The following SGCD variants were observed in gnomAD, a reference collection of about 807,000 sequenced individuals.
SGCD encodes delta-sarcoglycan.
A neutral mutation model predicts 36.6 loss-of-function variants in SGCD; 18 were observed. The ratio of observed to expected loss-of-function variants is 0.49; its 90% CI spans 0.34 to 0.73. SGCD has a LOEUF of 0.73. Among genes scored for constraint, SGCD ranks in the 30% least tolerant of loss-of-function variants. The pLI, the probability that SGCD is intolerant of heterozygous loss-of-function variation, is 0.01. For synonymous variants in SGCD, 133 were observed against 130.6 expected, an observed-to-expected ratio of 1.02 and a Z score of -0.12; for missense variants, 387 against 346.7, an observed-to-expected ratio of 1.12 and a Z score of -0.92.
intron 3 of SGCD, among the ~76,000 whole-genome samples, chr5:156,257,611 C>T (rs1232252952): frequency 6.6e-6 from 1 of 152,154 alleles, no homozygotes; most frequent in Non-Finnish European, 1.5e-5. Context: ...TGCCTGTAAT[C>T]CCAGCACTTT....
rs552776219 is a variant in SGCD, at chr5:156,206,106, G to A, written c.-44+82087G>A. ...TATTTAGCCATACTTTGTACTCAAA[G>A]ATCATGCATGATATATATTATTTTA... On this transcript the variant is annotated intron_variant, in intron 3 of 9. Coordinates refer to the SGCD transcript ENST00000517913. Among the ~76,000 whole-genome samples, 20 of 150,902 alleles carry A rather than the reference G, an allele frequency of 1.3e-4. No homozygotes were observed. The South Asian group carries it at 2.1e-3, about 16-fold the overall frequency.
chr5:156,394,714 T>C (rs891861810), intron 3 of SGCD, among the ~76,000 whole-genome samples: 1 of 152,230 alleles, frequency 6.6e-6, no homozygotes, highest in Admixed American at 6.5e-5. Context: ...TAAAAGAAAT[T>C]AAAACGTTTG....
At chr5:156,165,180 G>GC (rs1306957822) in intron 3 of SGCD, among the ~76,000 whole-genome samples, 1 of 152,196 alleles carries the variant, frequency 6.6e-6, no homozygotes, top group African/African-American at 2.4e-5. Flanking sequence ...CCATACTTCT[G>GC]CAAGTTGCAT....
chr5:156,644,452 G>A (rs1763155401), intron 6 of SGCD, among the ~76,000 whole-genome samples: 1 of 151,254 alleles, frequency 6.6e-6, no homozygotes, highest in South Asian at 2.1e-4. Context: ...TTTCATTTTT[G>A]CTCTCTGCCA....
At chr5:156,191,534 T>C (rs1763894745) in intron 3 of SGCD, among the ~76,000 whole-genome samples, 1 of 149,146 alleles carries the variant, frequency 6.7e-6, no homozygotes, top group South Asian at 2.2e-4. Flanking sequence ...ATACACCCAA[T>C]AATTTGTTTT....
intron 3 of SGCD, among the ~76,000 whole-genome samples, chr5:156,270,498 G>T (rs1436462450): frequency 6.6e-6 from 1 of 152,166 alleles, no homozygotes; most frequent in Non-Finnish European, 1.5e-5. Flanking sequence ...TAAATGAGCT[G>T]ATAGGTACCT....
At position 156,188,668 on chromosome 5, in the gene SGCD, G is replaced by GC. The variant is rs869072010; in HGVS notation, c.-44+64657dup. Reference sequence around the variant, plus strand: ...CAGTGTCTCTCTGACCACCCCAACCGCCCCCCCCGACACACATACACACAA... The same window carrying GC: ...CAGTGTCTCTCTGACCACCCCAACCGCCCCCCCCCGACACACATACACACAA... On this transcript the variant is annotated intron_variant, in intron 3 of 9. Coordinates refer to the SGCD transcript ENST00000517913. 1.4e-3 allele frequency among the ~76,000 whole-genome samples: 128 copies of GC among 90,338 alleles called. 1 individual carries two copies. The Middle Eastern group carries it at 0.016, about 12-fold the overall frequency. 59.3% of individuals were successfully genotyped at this position (90,338 alleles called of 152,430 possible).
intron 3 of SGCD, among the ~76,000 whole-genome samples, chr5:156,136,046 G>C (rs1057455570): frequency 6.6e-6 from 1 of 152,132 alleles, no homozygotes; most frequent in Non-Finnish European, 1.5e-5. Context: ...AATACAGTCT[G>C]TTTATCTAGT....
At chr5:155,881,164 T>G (rs1755874372) in intron 1 of SGCD, among the ~76,000 whole-genome samples, 1 of 152,008 alleles carries the variant, frequency 6.6e-6, no homozygotes, top group African/African-American at 2.4e-5. Flanking sequence ...ACAATTTCCA[T>G]AAATAACAGG....
intron 1 of SGCD, among the ~76,000 whole-genome samples, chr5:156,072,591 A>G (rs1760615425): frequency 3.3e-5 from 5 of 152,052 alleles, no homozygotes; most frequent in Admixed American, 3.3e-4. Context: ...ACTTTGGTGA[A>G]TCTGACAATT....
At chr5:156,428,137 A>G (rs1486074980) in intron 3 of SGCD, among the ~76,000 whole-genome samples, 2 of 152,144 alleles carry the variant, frequency 1.3e-5, no homozygotes, top group Non-Finnish European at 2.9e-5. Context: ...AATGTCTGGT[A>G]GAATTCTGCT....
intron 1 of SGCD, among the ~76,000 whole-genome samples, chr5:156,328,258 G>A (rs1767904696): frequency 6.6e-6 from 1 of 152,226 alleles, no homozygotes; most frequent in Admixed American, 6.5e-5. Context: ...TTGCATTTGA[G>A]AGACTGGTTC....
chr5:155,938,972 G>A (rs925741665), intron 1 of SGCD, among the ~76,000 whole-genome samples: 4 of 152,148 alleles, frequency 2.6e-5, no homozygotes, highest in African/African-American at 7.2e-5. Context: ...TCACCTATGT[G>A]AAGCTGCACT....
chr5:156,337,213 CTG>C (rs946250175), intron 2 of SGCD, among the ~76,000 whole-genome samples: 12 of 152,202 alleles, frequency 7.9e-5, no homozygotes, highest in African/African-American at 2.7e-4. Flanking sequence ...ACTCTAGAAA[CTG>C]TAATGAGCCT....
At chr5:155,983,957 G>A (rs538001718) in intron 1 of SGCD, among the ~76,000 whole-genome samples, 7 of 152,204 alleles carry the variant, frequency 4.6e-5, no homozygotes, top group Admixed American at 1.3e-4. Flanking sequence ...AAGTGCATCC[G>A]TGGATGAAAA....
chr5:156,216,219 A>G (rs1764569647), intron 3 of SGCD, among the ~76,000 whole-genome samples: 1 of 152,164 alleles, frequency 6.6e-6, no homozygotes, highest in Non-Finnish European at 1.5e-5. Context: ...AATTTCAGTT[A>G]GACAGAAGGA....
At chr5:156,531,719 A>G (rs952360271) in intron 4 of SGCD, among the ~76,000 whole-genome samples, 2 of 152,206 alleles carry the variant, frequency 1.3e-5, no homozygotes, top group Non-Finnish European at 2.9e-5. Flanking sequence ...TATAGTAGCC[A>G]TAGTCTTATA....
intron 1 of SGCD, among the ~76,000 whole-genome samples, chr5:155,877,184 A>G (rs1387178213): frequency 6.6e-6 from 1 of 152,134 alleles, no homozygotes; most frequent in Non-Finnish European, 1.5e-5. Context: ...GATTAAATTC[A>G]GTCCAACTGT....
intron 3 of SGCD, among the ~76,000 whole-genome samples, chr5:156,212,646 G>T (rs1282560176): frequency 1.3e-5 from 2 of 152,020 alleles, no homozygotes; most frequent in African/African-American, 4.8e-5. Context: ...AGACCAAATA[G>T]AATAGATCTA....
Sources: allele counts gnomAD v4.1 joint callset (sites outside exome capture counted in the v4.1 genomes callset), GRCh38; gene constraint gnomAD v4.1.1; transcripts MANE v1.5; gene names NCBI Gene and HGNC (gene_info 2026-07-23, HGNC 2026-07-21).